The following IFT46 variants were observed in gnomAD, a reference collection of about 807,000 sequenced individuals.
The protein encoded by IFT46 is intraflagellar transport 46.
A neutral mutation model predicts 39.6 loss-of-function variants in IFT46; 19 were observed. The ratio of observed to expected loss-of-function variants is 0.48; its 90% CI spans 0.33 to 0.70. The LOEUF is 0.70. Among genes scored for constraint, IFT46 ranks in the 30% least tolerant of loss-of-function variants. The pLI is 0.01. For missense variants in IFT46, 334 were observed against 364.8 expected, an observed-to-expected ratio of 0.92 and a Z score of 0.69; for synonymous variants, 117 against 134.8, an observed-to-expected ratio of 0.87 and a Z score of 0.91.
At chr11:118,575,685 C>T (rs183481967), upstream of IFT46, among the ~76,000 whole-genome samples, 5 of 152,128 alleles carry the variant, frequency 3.3e-5, no homozygotes, top group Non-Finnish European at 5.9e-5. Flanking sequence ...TAAAATATTG[C>T]GGTGAATTAC....
At chr11:118,550,477 CCTT>C (rs1265162508) in intron 9 of IFT46, among the ~76,000 whole-genome samples, 3 of 150,002 alleles carry the variant, frequency 2.0e-5, no homozygotes, top group Non-Finnish European at 3.0e-5. Context: ...TCTTTTTTTC[CCTT>C]CTTTTATTTA....
chr11:118,572,171 G>A (rs1938351619), intron 1 of IFT46, among the ~76,000 whole-genome samples: 1 of 151,774 alleles, frequency 6.6e-6, no homozygotes, highest in Non-Finnish European at 1.5e-5. Flanking sequence ...TTAAATAATA[G>A]TGGCTGTGCC....
At chr11:118,566,927 G>A (rs1555071613), upstream of IFT46, among the ~76,000 whole-genome samples, 1 of 151,706 alleles carries the variant, frequency 6.6e-6, no homozygotes, top group Non-Finnish European at 1.5e-5. Context: ...GGAAGTCAGG[G>A]AGAGAGAAAC....
upstream of IFT46, among the ~76,000 whole-genome samples, chr11:118,576,757 T>G (rs1210511415): frequency 6.6e-6 from 1 of 152,140 alleles, no homozygotes; most frequent in African/African-American, 2.4e-5. Context: ...GTTCGGAGAT[T>G]TATGCTATAC....
At chr11:118,557,252 T>C (rs1937873250) in intron 3 of IFT46, 1 of 464,998 alleles carries the variant, frequency 2.2e-6, no homozygotes. Flanking sequence ...AGAACCCTAT[T>C]CCATTTCTCT....
chr11:118,546,291 A>G (rs1437174188), intron 9 of IFT46: 7 of 640,094 alleles, frequency 1.1e-5, no homozygotes, highest in Non-Finnish European at 2.0e-5. Context: ...TGAGCCTAGG[A>G]GTTCGAGACC....
chr11:118,548,241 T>A (rs537861664), intron 9 of IFT46, among the ~76,000 whole-genome samples: 2 of 151,318 alleles, frequency 1.3e-5, no homozygotes, highest in South Asian at 4.2e-4. Context: ...ATTTTTTCTA[T>A]TACATACATA....
At chr11:118,574,407 T>G (rs1160846666), upstream of IFT46, among the ~76,000 whole-genome samples, 1 of 152,178 alleles carries the variant, frequency 6.6e-6, no homozygotes, top group Non-Finnish European at 1.5e-5. Context: ...AGCTCAACAT[T>G]TCATTATGAA....
rs181628467 is a variant in IFT46 at position 118,544,868 on chromosome 11, G to T, written c.*48C>A. Reference sequence around the variant, plus strand: ...TGACAACGATCTGTCCATCTCAGCTGGGGCAGAGGGGCCAGCTCAGCCTTG... The same window carrying T: ...TGACAACGATCTGTCCATCTCAGCTTGGGCAGAGGGGCCAGCTCAGCCTTG... On this transcript the variant is annotated 3_prime_UTR_variant, in exon 12 of 12. Coordinates refer to ENST00000264021, the MANE Select transcript of IFT46 (RefSeq NM_001168618.2). 1.5e-5 allele frequency: 20 copies of T among 1,329,436 alleles called. No individual in the cohort carries two copies. The highest frequency in any genetic ancestry group is 2.2e-5 in the Non-Finnish European group (20 of 924,862). 82.4% of individuals were successfully genotyped at this position (1,329,436 alleles called of 1,614,324 possible).
At chr11:118,547,162 G>A (rs1357814897) in intron 9 of IFT46, 2 of 152,200 alleles carry the variant, frequency 1.3e-5, no homozygotes, top group Admixed American at 1.3e-4. Context: ...TGAGGAAAGA[G>A]ACTGTTTCCA....
chr11:118,559,686 G>A, intron 3 of IFT46, 99 bp downstream of exon 3: 2 of 905,740 alleles, frequency 2.2e-6, no homozygotes, highest in African/African-American at 1.6e-5. Flanking sequence ...ACCCCTGGAG[G>A]TGAGTGTTCA....
intron 10 of IFT46, 60 bp from the exon 11 acceptor site, chr11:118,545,554 T>A: frequency 7.1e-7 from 1 of 1,408,304 alleles, no homozygotes; most frequent in South Asian, 1.2e-5. Context: ...TTAGAGGCCC[T>A]TCTGTCTAGC....
chr11:118,566,642 G>A (rs1226186111), upstream of IFT46, among the ~76,000 whole-genome samples: 1 of 152,186 alleles, frequency 6.6e-6, no homozygotes, highest in Non-Finnish European at 1.5e-5. Flanking sequence ...GCAGGGAGCC[G>A]AGATCGCACC....
chr11:118,564,466 T>G (rs1555071092), intron 2 of IFT46, among the ~76,000 whole-genome samples: 1 of 152,122 alleles, frequency 6.6e-6, no homozygotes, highest in African/African-American at 2.4e-5. Context: ...ATCCCAGCAC[T>G]TTGGGAGGCC....
intron 3 of IFT46, chr11:118,557,247 C>G (rs1460816827): frequency 4.3e-6 from 2 of 469,046 alleles, no homozygotes; most frequent in Non-Finnish European, 7.4e-6. Flanking sequence ...TTTCTAGAAC[C>G]CTATTCCATT....
chr11:118,548,261 T>C (rs1951741633), intron 9 of IFT46, among the ~76,000 whole-genome samples: 1 of 151,364 alleles, frequency 6.6e-6, no homozygotes, highest in Non-Finnish European at 1.5e-5. Flanking sequence ...ATATAAAATA[T>C]TTTTTCTCAG....
At chr11:118,564,131 G>C (rs1397181319) in intron 2 of IFT46, among the ~76,000 whole-genome samples, 1 of 141,690 alleles carries the variant, frequency 7.1e-6, no homozygotes, top group Non-Finnish European at 1.5e-5. Flanking sequence ...GGAGATTGCA[G>C]TGAGCCAAGA....
At chr11:118,571,862 C>T (rs11216905) in intron 1 of IFT46, among the ~76,000 whole-genome samples, 1 of 151,824 alleles carries the variant, frequency 6.6e-6, no homozygotes, top group Non-Finnish European at 1.5e-5. Context: ...CTGAGGCGGG[C>T]GGATCACTTG....
At chr11:118,558,582 G>A (rs991951140) in intron 3 of IFT46, among the ~76,000 whole-genome samples, 12 of 151,612 alleles carry the variant, frequency 7.9e-5, no homozygotes, top group South Asian at 2.1e-4. Flanking sequence ...GCAACAGAGC[G>A]AGATGACTCT....
Sources: gnomAD v4.1 joint callset for allele counts (sites outside exome capture counted in the v4.1 genomes callset) on GRCh38, gnomAD v4.1.1 for gene constraint, MANE v1.5 for transcripts, NCBI Gene and HGNC (gene_info 2026-07-23, HGNC 2026-07-21) for gene names.